The following PTPN14 variants were observed in gnomAD, a reference collection of about 807,000 sequenced individuals.
PTPN14 encodes the protein tyrosine-protein phosphatase non-receptor type 14.
Under a neutral mutation model 126.8 loss-of-function variants are expected in PTPN14, and 53 were observed. That is an observed-to-expected ratio of 0.42 (90% CI 0.34 to 0.53). PTPN14 has a LOEUF of 0.53. Among genes scored for constraint, PTPN14 ranks in the 20% least tolerant of loss-of-function variants. The pLI is 0.08. For synonymous variants in PTPN14, 630 were observed against 599.3 expected (o/e 1.05, Z -0.75); for missense variants, 1,257 against 1,552.9 (o/e 0.81, Z 3.20).
intron 12 of PTPN14, among the ~76,000 whole-genome samples, chr1:214,386,097 C>T (rs3013444): frequency 0.11 from 16,298 of 152,102 alleles, 1,007 homozygotes; most frequent in South Asian, 0.16. Flanking sequence ...TACAAGTTAC[C>T]GATTTTCATA....
chr1:214,368,535 T>C (rs1658139597), intron 17 of PTPN14, among the ~76,000 whole-genome samples: 1 of 152,162 alleles, frequency 6.6e-6, no homozygotes, highest in African/African-American at 2.4e-5. Flanking sequence ...TTTTTTAAAA[T>C]GTGCTAAAGT....
chr1:214,521,572 G>A (rs1655255627), intron 1 of PTPN14, among the ~76,000 whole-genome samples: 3 of 152,042 alleles, frequency 2.0e-5, no homozygotes, highest in African/African-American at 7.2e-5. Context: ...AAAATTAGGT[G>A]GGCGTGGTGG....
chr1:214,500,059 G>T (rs79477923), intron 1 of PTPN14, among the ~76,000 whole-genome samples: 8,475 of 151,284 alleles, frequency 0.056, 264 homozygotes, highest in Middle Eastern at 0.13. Flanking sequence ...CACAAATGTG[G>T]GACATTTTCT....
intron 2 of PTPN14, among the ~76,000 whole-genome samples, chr1:214,454,076 C>T (rs6540834): frequency 0.38 from 57,806 of 151,948 alleles, 11,297 homozygotes; most frequent in East Asian, 0.53. Flanking sequence ...GGGTATTCCA[C>T]GGTATTTTGG....
At chr1:214,430,290 T>C (rs1224177133) in intron 3 of PTPN14, among the ~76,000 whole-genome samples, 1 of 152,174 alleles carries the variant, frequency 6.6e-6, no homozygotes, top group Non-Finnish European at 1.5e-5. Context: ...TAGCCCCTGG[T>C]CCAGGCTGTT....
In PTPN14 at chr1:214,384,653, T is replaced by G. The variant is rs1378610100; in HGVS notation, c.1202A>C (p.Gln401Pro). 3.1e-6 allele frequency: 5 copies of G among 1,613,984 alleles called. No individual in the cohort carries two copies. The Admixed American group carries it at 5.0e-5, about 16-fold the overall frequency. The stretch of plus-strand genomic sequence containing the variant: ...TACAGGGGAGGCCTGGATGAAACTT[T>G]GCGAGCAGTTGAGGGAGTTGACGCT... ...VHSVNSLNCS[Q>P]SFIQASPVSS... Residue 401 changes from glutamine to proline, a missense_variant, in exon 13 of 19, where the codon CAA becomes CCA. Gln to Pro is a moderately conservative substitution (Grantham distance 76). Around this residue, in one of 3 missense-constraint regions of PTPN14, gnomAD observed 1,021 missense variants for 1,183.3 expected, o/e 0.86. Transcript: ENST00000366956. The surrounding 1 kb of genome is among the most constrained non-coding windows in gnomAD (Gnocchi z 5.3).
chr1:214,520,065 A>AAAAAAAAATATATATATATAT, intron 1 of PTPN14, among the ~76,000 whole-genome samples: 4 of 71,110 alleles, frequency 5.6e-5, no homozygotes, highest in African/African-American at 2.9e-4. Flanking sequence ...AAAAAAAAAA[A>AAAAAAAAATATATATATATAT]ATATATATAT....
At chr1:214,436,029 A>T (rs1659905838) in intron 3 of PTPN14, among the ~76,000 whole-genome samples, 1 of 152,206 alleles carries the variant, frequency 6.6e-6, no homozygotes, top group African/African-American at 2.4e-5. Context: ...TAAAGAAAAT[A>T]TGTTACATAT....
intron 5 of PTPN14, among the ~76,000 whole-genome samples, chr1:214,410,297 T>A (rs1659273552): frequency 6.7e-6 from 1 of 148,432 alleles, no homozygotes; most frequent in African/African-American, 2.5e-5. Context: ...GTCTTTTTTT[T>A]TTCTTTTTTT....
chr1:214,547,621 A>G (rs1336652652), intron 1 of PTPN14, among the ~76,000 whole-genome samples: 1 of 152,258 alleles, frequency 6.6e-6, no homozygotes, highest in African/African-American at 2.4e-5. Flanking sequence ...GCAAAGATAC[A>G]GCAGCTAGCT....
At chr1:214,418,668 A>G (rs1659477196) in intron 3 of PTPN14, among the ~76,000 whole-genome samples, 1 of 152,234 alleles carries the variant, frequency 6.6e-6, no homozygotes, top group Non-Finnish European at 1.5e-5. Flanking sequence ...CTCCACCCCT[A>G]CTTAGACAGT....
chr1:214,442,886 C>T (rs61819593), intron 3 of PTPN14, among the ~76,000 whole-genome samples: 4,663 of 151,110 alleles, frequency 0.031, 104 homozygotes, highest in Middle Eastern at 0.065. Context: ...TGCTATGGTG[C>T]GATCTCCGCT....
In PTPN14 at chr1:214,540,511, C is replaced by A. The variant is rs531871367; in HGVS notation, c.-155+10672G>T. Among the ~76,000 whole-genome samples the A allele has an allele frequency of 5.3e-5, 8 of 152,252 alleles. No individual in the cohort carries two copies. The South Asian group carries it at 1.5e-3, about 28-fold the overall frequency. ...GCTCTTCAGTGGGACACATCTGCCA[C>A]AAAAATAAACTGCAGCTTCTCCTCT... is the stretch of plus-strand genomic sequence containing the variant. On this transcript the variant is annotated intron_variant, in intron 1 of 18. Coordinates refer to ENST00000366956, the MANE Select transcript of PTPN14 (RefSeq NM_005401.5).
chr1:214,410,289 CTTTTT>C (rs571327486), intron 5 of PTPN14, among the ~76,000 whole-genome samples: 1 of 142,366 alleles, frequency 7.0e-6, no homozygotes, highest in African/African-American at 2.6e-5. Flanking sequence ...ACATTTAAGT[CTTTTT>C]TTTTTCTTTT....
chr1:214,509,451 C>G (rs901447583), intron 1 of PTPN14, among the ~76,000 whole-genome samples: 7 of 152,170 alleles, frequency 4.6e-5, no homozygotes, highest in African/African-American at 1.7e-4. Flanking sequence ...GGGCTTAGCT[C>G]GGGATTAGGC....
chr1:214,401,681 T>G lies in PTPN14; in HGVS notation c.669+4A>C, dbSNP rs752152012. 10 of 1,553,282 alleles carry G rather than the reference T, an allele frequency of 6.4e-6. No homozygotes were observed. The Admixed American group carries it at 1.4e-4, about 21-fold the overall frequency. On this transcript the variant is annotated splice_donor_region_variant and intron_variant, in intron 7 of 18. Transcript: ENST00000366956. ...TAAAGCCAGCACAGGGCACAGCATATTACCTTTACAGGGAAGATTTCCTGT... is the reference window on the plus strand; with the variant it reads ...TAAAGCCAGCACAGGGCACAGCATAGTACCTTTACAGGGAAGATTTCCTGT...
At chr1:214,512,103 G>T (rs1654987741) in intron 1 of PTPN14, among the ~76,000 whole-genome samples, 1 of 151,948 alleles carries the variant, frequency 6.6e-6, no homozygotes, top group South Asian at 2.1e-4. Context: ...TCTTCCACAG[G>T]CAAACTCACC....
At chr1:214,486,778 T>C (rs1246573896) in intron 1 of PTPN14, among the ~76,000 whole-genome samples, 5 of 152,172 alleles carry the variant, frequency 3.3e-5, no homozygotes, top group South Asian at 4.1e-4. Flanking sequence ...CCCTCTCCCA[T>C]TCCCCCTAGT....
At chr1:214,537,758 G>A (rs1655742380) in intron 1 of PTPN14, among the ~76,000 whole-genome samples, 1 of 152,036 alleles carries the variant, frequency 6.6e-6, no homozygotes, top group Admixed American at 6.6e-5. Context: ...GAAGAACTAG[G>A]GCTCCTAAGA....
Sources: gnomAD v4.1 joint callset for allele counts (sites outside exome capture counted in the v4.1 genomes callset) on GRCh38, gnomAD v4.1.1 for gene constraint, gnomAD v4.1.1 regional missense constraint, Gnocchi (gnomAD v3.1) non-coding constraint, MANE v1.5 for transcripts, NCBI Gene and HGNC (gene_info 2026-07-23, HGNC 2026-07-21) for gene names.